The following ZMYM1 variants were observed in gnomAD, a reference collection of about 807,000 sequenced individuals.
The protein encoded by ZMYM1 is zinc finger MYM-type containing 1, also known as zinc finger MYM-type protein 1.
A neutral mutation model predicts 60.0 loss-of-function variants in ZMYM1; 39 were observed. The ratio of observed to expected loss-of-function variants is 0.65; its 90% CI spans 0.50 to 0.85. The LOEUF (loss-of-function observed/expected upper bound fraction) is 0.85. Ranked by LOEUF, ZMYM1 falls within the 40% of genes least tolerant of loss-of-function variation. The probability of loss-of-function intolerance (pLI) is 0.00; values close to 1 mark genes in which losing one functional copy is unlikely to be tolerated. For synonymous variants in ZMYM1, 413 were observed against 454.0 expected, an observed-to-expected ratio of 0.91 and a Z score of 1.15; for missense variants, 1,171 against 1,309.5, an observed-to-expected ratio of 0.89 and a Z score of 1.63.
intron 1 of ZMYM1, among the ~76,000 whole-genome samples, chr1:35,090,155 C>T (rs1453984514): frequency 6.6e-6 from 1 of 152,086 alleles, no homozygotes; most frequent in Non-Finnish European, 1.5e-5. Flanking sequence ...ATCCACCCAC[C>T]TCGGCCTCCC....
At chr1:35,063,674 T>C (rs1055673859) in intron 1 of ZMYM1, among the ~76,000 whole-genome samples, 3 of 152,134 alleles carry the variant, frequency 2.0e-5, no homozygotes, top group Admixed American at 6.6e-5. Context: ...AAAAATGTAG[T>C]CCATCTGTAT....
chr1:35,075,685 T>G (rs1410173310), upstream of ZMYM1, among the ~76,000 whole-genome samples: 1 of 152,150 alleles, frequency 6.6e-6, no homozygotes, highest in Admixed American at 6.5e-5. Context: ...AGTTAATATA[T>G]ACACCAATTC....
upstream of ZMYM1, among the ~76,000 whole-genome samples, chr1:35,078,537 A>ATTTTTTTTTTTTTTTTT (rs751468260): frequency 2.1e-4 from 17 of 82,220 alleles, 1 homozygote; most frequent in East Asian, 6.0e-4. Context: ...GGTTATTTTA[A>ATTTTTTTTTTTTTTTTT]TTTTTTTTTT....
intron 4 of ZMYM1, among the ~76,000 whole-genome samples, chr1:35,098,972 A>C (rs1438062460): frequency 6.6e-6 from 1 of 152,196 alleles, no homozygotes; most frequent in East Asian, 1.9e-4. Context: ...ATTCCTATAC[A>C]TGCTAAAGTT....
rs1289711283 is a variant in ZMYM1, at chr1:35,104,719, G to A, written c.757G>A (p.Gly253Arg). The A allele has an allele frequency of 5.6e-6, 9 of 1,614,164 alleles. No homozygotes were observed. The highest frequency in any genetic ancestry group is 1.3e-5 in the African/African-American group (1 of 75,068). The change falls in exon 6 of 10, where the codon GGA becomes AGA. Residue 253 changes from glycine (G) to arginine (R), a missense_variant. Gly to Arg is a moderately radical substitution (Grantham distance 125). Transcript: ENST00000359858. ...SSLSHILQME[G>R]QSHYFNSSKS... is the part of the protein sequence containing the mutation. ...TCTGTCCCACATACTTCAGATGGAA[G>A]GACAGTCTCATTACTTTAATAGTTC... is the stretch of plus-strand genomic sequence containing the variant.
intron 1 of ZMYM1, among the ~76,000 whole-genome samples, chr1:35,092,516 C>G (rs1260593998): frequency 6.6e-6 from 1 of 152,140 alleles, no homozygotes; most frequent in East Asian, 1.9e-4. Flanking sequence ...GCTGGGATTA[C>G]AGGCATGAAC....
At chr1:35,078,649 A>T (rs1013730991), upstream of ZMYM1, among the ~76,000 whole-genome samples, 1 of 147,466 alleles carries the variant, frequency 6.8e-6, no homozygotes, top group Non-Finnish European at 1.5e-5. Flanking sequence ...CCTGGCTTCA[A>T]GCGATTCTCC....
chr1:35,073,476 T>C (rs975483832), intron 1 of ZMYM1, among the ~76,000 whole-genome samples: 2 of 151,176 alleles, frequency 1.3e-5, no homozygotes, highest in African/African-American at 2.4e-5. Context: ...GGCAAGCAGA[T>C]TGCTCAAGTG....
intron 4 of ZMYM1, among the ~76,000 whole-genome samples, chr1:35,103,356 C>A (rs562478902): frequency 5.9e-5 from 9 of 152,058 alleles, no homozygotes; most frequent in Non-Finnish European, 8.8e-5. Context: ...TCATATATGA[C>A]CTTTTTGTGA....
intron 4 of ZMYM1, among the ~76,000 whole-genome samples, chr1:35,099,467 G>A (rs1037799058): frequency 5.3e-5 from 8 of 152,066 alleles, no homozygotes; most frequent in Non-Finnish European, 8.8e-5. Context: ...CCTAGGCATG[G>A]AAATCCAATA....
intron 1 of ZMYM1, among the ~76,000 whole-genome samples, chr1:35,070,918 T>C (rs189790154): frequency 2.3e-4 from 35 of 152,220 alleles, no homozygotes; most frequent in African/African-American, 7.5e-4. Context: ...GGAGTCTCAC[T>C]CTGTTGCCCA....
chr1:35,099,604 G>T (rs1557679339), intron 4 of ZMYM1, among the ~76,000 whole-genome samples: 1 of 152,192 alleles, frequency 6.6e-6, no homozygotes, highest in South Asian at 2.1e-4. Context: ...ATGATTCAGA[G>T]TAGGCTGCTT....
intron 4 of ZMYM1, among the ~76,000 whole-genome samples, chr1:35,100,087 C>G (rs751544116): frequency 6.6e-6 from 1 of 151,994 alleles, no homozygotes; most frequent in Non-Finnish European, 1.5e-5. Flanking sequence ...GATGCAGTTT[C>G]GCCATGTTGG....
upstream of ZMYM1, among the ~76,000 whole-genome samples, chr1:35,077,581 T>C (rs1242876466): frequency 6.6e-6 from 1 of 152,140 alleles, no homozygotes; most frequent in Non-Finnish European, 1.5e-5. Flanking sequence ...TTGCAGACCC[T>C]GCACTTGATG....
In ZMYM1 at chr1:35,112,983, A is replaced by C; in HGVS notation, c.1153A>C (p.Lys385Gln). ...ATADVIVDLS[K>Q]SSPSEPSNAV... is the part of the protein sequence containing the mutation. ...TTCTCATTTTCTCCCAAAGCTTTCT[A>C]AGAGTTCACCTAGTGAACCCAGTAA... Residue 385 changes from lysine (K) to glutamine (Q), a missense_variant, in exon 10 of 10, where the codon AAG (lysine) becomes CAG (glutamine). Transcript: ENST00000359858. The C allele has an allele frequency of 1.3e-6, 2 of 1,538,828 alleles. No individual in the cohort carries two copies. The highest frequency in any genetic ancestry group is 1.7e-6 in the Non-Finnish European group (2 of 1,147,094).
chr1:35,093,613 C>T (rs2148514001), intron 1 of ZMYM1, among the ~76,000 whole-genome samples: 1 of 152,246 alleles, frequency 6.6e-6, no homozygotes, highest in East Asian at 1.9e-4. Flanking sequence ...TTTACATTTT[C>T]TCCTATTGAA....
rs542068821 is a variant in ZMYM1, at chr1:35,104,106, A to T, written c.420-189A>T. On this transcript the variant is annotated intron_variant, in intron 4 of 9. Transcript: ENST00000359858. ...AACTGCACTATTAGATGTGCTTTAT[A>T]ATCTGTAATGTATAGATGAGAAAAT... 19 of 488,580 alleles carry T rather than the reference A, an allele frequency of 3.9e-5. No homozygotes were observed. The South Asian group carries it at 7.5e-4, about 19-fold the overall frequency. 30.3% of individuals were successfully genotyped at this position (488,580 alleles called of 1,614,324 possible). A position where few individuals can be genotyped will look rare whatever the true frequency, so the allele number is the denominator to read the frequency against.
At chr1:35,100,951 A>G (rs1318062652) in intron 4 of ZMYM1, among the ~76,000 whole-genome samples, 1 of 151,782 alleles carries the variant, frequency 6.6e-6, no homozygotes. Context: ...TTGCAGGCAC[A>G]TGCCACCCTG....
At chr1:35,072,120 G>A (rs1330467962) in intron 1 of ZMYM1, among the ~76,000 whole-genome samples, 1 of 152,160 alleles carries the variant, frequency 6.6e-6, no homozygotes, top group Non-Finnish European at 1.5e-5. Flanking sequence ...GGCAATAAGA[G>A]AGAAACTCCA....
Sources: gnomAD v4.1 joint callset for allele counts (sites outside exome capture counted in the v4.1 genomes callset) on GRCh38, gnomAD v4.1.1 for gene constraint, MANE v1.5 for transcripts, NCBI Gene and HGNC (gene_info 2026-07-23, HGNC 2026-07-21) for gene names.